RANBP2: variants seen among roughly 807,000 people sequenced by gnomAD.
RANBP2 encodes the protein E3 SUMO-protein ligase RanBP2.
RANBP2 carries 57 observed loss-of-function variants against 303.6 expected under a neutral mutation model. The ratio of observed to expected loss-of-function variants is 0.19; its 90% CI spans 0.15 to 0.23. RANBP2 has a LOEUF of 0.23. Among genes scored for constraint, RANBP2 ranks in the 10% least tolerant of loss-of-function variants. RANBP2 has a pLI of 1.00. For missense variants in RANBP2, 3,138 were observed against 3,780.8 expected (o/e 0.83, Z 4.46); for synonymous variants, 1,167 against 1,301.5 (o/e 0.90, Z 2.23).
At chr2:109,399,115 C>T in the RANBP2 span, among the ~76,000 whole-genome samples, 7 of 152,178 alleles carry the variant, frequency 4.6e-5, no homozygotes, top group Non-Finnish European at 7.4e-5. Context: ...CCCCTAGAAG[C>T]GTGGAGAATG....
At chr2:109,003,640 A>C in the RANBP2 span, among the ~76,000 whole-genome samples, 1 of 151,900 alleles carries the variant, frequency 6.6e-6, no homozygotes, top group South Asian at 2.1e-4. Context: ...TGAACTCCTG[A>C]CTTCAAGTGA....
chr2:109,614,986 G>C, the RANBP2 span: 2 of 1,540,812 alleles, frequency 1.3e-6, no homozygotes, highest in African/African-American at 1.4e-5. Context: ...CCCCTACCGC[G>C]GACTCCAGCC....
chr2:108,719,635 G>A lies in RANBP2; in HGVS notation c.29G>A (p.Arg10Gln), dbSNP rs535662451. 6 of 1,608,234 alleles carry A rather than the reference G, an allele frequency of 3.7e-6. No individual in the cohort carries two copies. In the South Asian group the frequency reaches 5.5e-5, roughly 15 times the overall value. The change falls in exon 1 of 29, where the codon CGG (arginine) becomes CAG (glutamine). Residue 10 changes from arginine (R) to glutamine (Q), a missense_variant. Coordinates refer to ENST00000283195, the MANE Select transcript of RANBP2 (RefSeq NM_006267.5). ...AGGCGCAGCAAGGCTGACGTGGAGC[G>A]GTACATCGCCTCGGTGCAGGGCTCC... MRRSKADVE[R>Q]YIASVQGSTP... is the part of the protein sequence containing the mutation.
At chr2:109,163,460 G>A in the RANBP2 span, among the ~76,000 whole-genome samples, 3 of 139,882 alleles carry the variant, frequency 2.1e-5, no homozygotes, top group Non-Finnish European at 3.1e-5. Context: ...GTGCAGTGGC[G>A]GGATCTCGGC....
the RANBP2 span, among the ~76,000 whole-genome samples, chr2:108,992,117 T>G: frequency 7.2e-5 from 11 of 152,200 alleles, 1 homozygote; most frequent in Admixed American, 1.3e-4. Context: ...GTGTCTTAAT[T>G]ACAAATCTCA....
At chr2:109,207,507 G>A in the RANBP2 span, among the ~76,000 whole-genome samples, 1 of 152,166 alleles carries the variant, frequency 6.6e-6, no homozygotes, top group South Asian at 2.1e-4. Flanking sequence ...CCTTTGGAGA[G>A]ATGCATGTCA....
At chr2:109,509,097 T>TA in the RANBP2 span, among the ~76,000 whole-genome samples, 2 of 152,148 alleles carry the variant, frequency 1.3e-5, no homozygotes, top group African/African-American at 2.4e-5. Context: ...CTTGCCTGGG[T>TA]CTGGGCATCT....
At chr2:109,101,695 TG>T in the RANBP2 span, among the ~76,000 whole-genome samples, 3 of 152,070 alleles carry the variant, frequency 2.0e-5, no homozygotes, top group African/African-American at 7.2e-5. Context: ...AGAGATTTGT[TG>T]TGGAAGTAGG....
At chr2:109,631,911 C>G in the RANBP2 span, among the ~76,000 whole-genome samples, 1 of 151,962 alleles carries the variant, frequency 6.6e-6, no homozygotes. Context: ...AAAGGTGGAA[C>G]CCTAGACAGC....
the RANBP2 span, among the ~76,000 whole-genome samples, chr2:109,708,603 A>T: frequency 1.3e-5 from 2 of 152,024 alleles, no homozygotes; most frequent in Non-Finnish European, 1.5e-5. Context: ...GTGAGCCAAG[A>T]TTGTGCCACT....
the RANBP2 span, among the ~76,000 whole-genome samples, chr2:108,905,053 CA>C: frequency 6.6e-6 from 1 of 152,164 alleles, no homozygotes; most frequent in Middle Eastern, 3.4e-3. Context: ...AAAGACAAAA[CA>C]AAACAAAAAA....
At chr2:109,724,970 A>G in the RANBP2 span, among the ~76,000 whole-genome samples, 1 of 152,092 alleles carries the variant, frequency 6.6e-6, no homozygotes, top group African/African-American at 2.4e-5. Context: ...GGTGAGGCAA[A>G]CCTGAGTCAA....
At chr2:109,720,927 T>G in the RANBP2 span, among the ~76,000 whole-genome samples, 1 of 152,246 alleles carries the variant, frequency 6.6e-6, no homozygotes, top group East Asian at 1.9e-4. Context: ...TGTGGGCACC[T>G]TTCTAGCTAG....
chr2:108,786,509 G>A (rs912718455), downstream of RANBP2, among the ~76,000 whole-genome samples: 1 of 152,208 alleles, frequency 6.6e-6, no homozygotes, highest in Non-Finnish European at 1.5e-5. Flanking sequence ...AAATGGAGCT[G>A]GAGCGGAGCG....
chr2:109,760,787 G>T, the RANBP2 span, among the ~76,000 whole-genome samples: 1 of 140,930 alleles, frequency 7.1e-6, no homozygotes, highest in Admixed American at 7.3e-5. Flanking sequence ...TCCCCGTGCC[G>T]GCCGCTTCGG....
At chr2:108,758,166 T>G (rs1471742677) in intron 17 of RANBP2, among the ~76,000 whole-genome samples, 1 of 152,032 alleles carries the variant, frequency 6.6e-6, no homozygotes, top group Non-Finnish European at 1.5e-5. Context: ...GCGTGCTGGC[T>G]GACGCCTGTA....
At chr2:108,756,214 T>C (rs942381474) in intron 17 of RANBP2, among the ~76,000 whole-genome samples, 2 of 152,208 alleles carry the variant, frequency 1.3e-5, no homozygotes, top group Non-Finnish European at 2.9e-5. Flanking sequence ...AGATTAGCTG[T>C]GGATTACATG....
At chr2:109,621,764 T>G in the RANBP2 span, among the ~76,000 whole-genome samples, 1 of 152,028 alleles carries the variant, frequency 6.6e-6, no homozygotes, top group East Asian at 1.9e-4. Flanking sequence ...ATACAAAATA[T>G]TAGCTAGGCA....
the RANBP2 span, among the ~76,000 whole-genome samples, chr2:108,842,015 G>C: frequency 6.6e-6 from 1 of 151,916 alleles, no homozygotes; most frequent in Non-Finnish European, 1.5e-5. Context: ...TGGAAGTAAA[G>C]GGTTTTTCTT....
Sources: allele counts gnomAD v4.1 joint callset (sites outside exome capture counted in the v4.1 genomes callset), GRCh38; gene constraint gnomAD v4.1.1; transcripts MANE v1.5; gene names NCBI Gene and HGNC (gene_info 2026-07-23, HGNC 2026-07-21).